CMTM8: variants seen among roughly 807,000 people sequenced by gnomAD.
CMTM8 encodes the protein CKLF-like MARVEL transmembrane domain-containing protein 8.
Under a neutral mutation model 18.6 loss-of-function variants are expected in CMTM8, and 12 were observed. That is an observed-to-expected ratio of 0.65 (90% CI 0.41 to 1.05). CMTM8 has a LOEUF of 1.05. Among genes scored for constraint, CMTM8 ranks in the 50% least tolerant of loss-of-function variants. CMTM8 has a pLI of 0.00. For synonymous variants in CMTM8, 87 were observed against 90.6 expected (o/e 0.96, Z 0.23); for missense variants, 217 against 227.2 (o/e 0.95, Z 0.29).
At chr3:32,365,955 C>T (rs1187536950) in intron 2 of CMTM8, among the ~76,000 whole-genome samples, 3 of 152,174 alleles carry the variant, frequency 2.0e-5, no homozygotes, top group Admixed American at 2.0e-4. Flanking sequence ...TCCTTCATTT[C>T]TGTAGCCCAG....
intron 1 of CMTM8, among the ~76,000 whole-genome samples, chr3:32,294,154 C>T (rs1001206770): frequency 1.2e-4 from 19 of 152,194 alleles, no homozygotes; most frequent in Admixed American, 2.0e-4. Flanking sequence ...AGAAGTGCCT[C>T]ATGTTTCTTA....
chr3:32,265,970 C>T (rs1416580692), intron 1 of CMTM8, among the ~76,000 whole-genome samples: 6 of 151,344 alleles, frequency 4.0e-5, no homozygotes, highest in South Asian at 2.1e-4. Context: ...TAATAGCTTA[C>T]CAACCAAAAA....
At chr3:32,365,125 G>A (rs544515234) in intron 2 of CMTM8, among the ~76,000 whole-genome samples, 1 of 152,164 alleles carries the variant, frequency 6.6e-6, no homozygotes, top group South Asian at 2.1e-4. Flanking sequence ...GGCTGCCTAA[G>A]CCTTAGATAG....
In CMTM8 at chr3:32,239,012, A is replaced by G. The variant is rs746353063; in HGVS notation, c.40A>G (p.Thr14Ala). The G allele has an allele frequency of 1.3e-6, 2 of 1,562,038 alleles. No individual in the cohort carries two copies. Among genetic ancestry groups the G allele is most frequent in the Admixed American group, 1.9e-5 (1 of 52,536 alleles). The change falls in exon 1 of 4, where the codon ACC becomes GCC. Residue 14 changes from threonine (T) to alanine (A), a missense_variant. Transcript: ENST00000307526. ...PQRARSHTVT[T>A]TASSFAENFS... Reference sequence around the variant, plus strand: ...GCGCGCCCGCTCGCACACAGTCACCACCACCGCCAGCTCCTTCGCAGAGAA... The same window carrying G: ...GCGCGCCCGCTCGCACACAGTCACCGCCACCGCCAGCTCCTTCGCAGAGAA...
chr3:32,319,829 G>GGT (rs1696007748), intron 1 of CMTM8, among the ~76,000 whole-genome samples: 1 of 152,242 alleles, frequency 6.6e-6, no homozygotes, highest in Non-Finnish European at 1.5e-5. Flanking sequence ...AGCCCTTGAG[G>GGT]AAACAACCCT....
chr3:32,321,468 C>T (rs977758949), intron 1 of CMTM8, among the ~76,000 whole-genome samples: 4 of 152,208 alleles, frequency 2.6e-5, no homozygotes, highest in East Asian at 1.9e-4. Context: ...TGTGCCCTCC[C>T]GAGTGGGAGC....
chr3:32,311,912 T>C (rs1695826871), intron 1 of CMTM8, among the ~76,000 whole-genome samples: 1 of 152,146 alleles, frequency 6.6e-6, no homozygotes, highest in South Asian at 2.1e-4. Context: ...GATAAGTTGA[T>C]GACTGCAGCC....
At chr3:32,322,191 A>C (rs558717743) in intron 1 of CMTM8, among the ~76,000 whole-genome samples, 122 of 152,200 alleles carry the variant, frequency 8.0e-4, no homozygotes, top group Non-Finnish European at 1.6e-3. Flanking sequence ...CTAGGGGTTC[A>C]AGAACCCAAC....
At position 32,293,077 on chromosome 3, in the gene CMTM8, GTA is replaced by G. The variant is rs61467491; in HGVS notation, c.147+53978_147+53979del. Reference sequence around the variant, plus strand: ...ATATGATGTGTGTATATATGTGTGTGTATATATATATATATATATATTTAACT... The same window carrying G: ...ATATGATGTGTGTATATATGTGTGTGTATATATATATATATATATTTAACT... On this transcript the variant is annotated intron_variant, in intron 1 of 3. Coordinates refer to ENST00000307526, the MANE Select transcript of CMTM8 (RefSeq NM_178868.5). 3.6e-3 allele frequency among the ~76,000 whole-genome samples: 531 copies of G among 145,634 alleles called. 2 individuals are homozygous for G. Among genetic ancestry groups the G allele is most frequent in the African/African-American group, 0.011 (435 of 39,808 alleles).
chr3:32,367,005 C>A (rs1033940523), intron 2 of CMTM8, among the ~76,000 whole-genome samples: 16 of 152,060 alleles, frequency 1.1e-4, no homozygotes, highest in Non-Finnish European at 2.9e-5. Flanking sequence ...GCTTTTTTTT[C>A]TCTGAGAAGA....
At chr3:32,273,031 C>T (rs1197854944) in intron 1 of CMTM8, among the ~76,000 whole-genome samples, 1 of 151,732 alleles carries the variant, frequency 6.6e-6, no homozygotes, top group Non-Finnish European at 1.5e-5. Context: ...GAAATACAAT[C>T]CAAAATCACA....
chr3:32,333,753 G>A (rs1207227037), intron 1 of CMTM8, among the ~76,000 whole-genome samples: 1 of 151,970 alleles, frequency 6.6e-6, no homozygotes, highest in Non-Finnish European at 1.5e-5. Flanking sequence ...GGTTTCAGGT[G>A]GTGAAAATAC....
At chr3:32,270,095 T>G (rs1458111227) in intron 1 of CMTM8, among the ~76,000 whole-genome samples, 1 of 151,526 alleles carries the variant, frequency 6.6e-6, no homozygotes, top group Non-Finnish European at 1.5e-5. Context: ...TAAAAAAAAT[T>G]TTTTTGTGTG....
rs116578015 is a variant in CMTM8 at position 32,355,348 on chromosome 3, C to A, written c.148-2025C>A. Among the ~76,000 whole-genome samples the A allele has an allele frequency of 4.2e-3, 643 of 152,294 alleles. 1 individual carries two copies. Among genetic ancestry groups the A allele is most frequent in the South Asian group, 0.017 (83 of 4,822 alleles). On this transcript the variant is annotated intron_variant, in intron 1 of 3. Coordinates refer to ENST00000307526, the MANE Select transcript of CMTM8 (RefSeq NM_178868.5). Reference sequence around the variant, plus strand: ...TTCCATTGTTCCAACAGAACAAGTCCAACCCTGATCTACTCCAGAAATCTT... The same window carrying A: ...TTCCATTGTTCCAACAGAACAAGTCAAACCCTGATCTACTCCAGAAATCTT...
intron 1 of CMTM8, among the ~76,000 whole-genome samples, chr3:32,244,765 A>G (rs942309173): frequency 6.6e-6 from 1 of 152,202 alleles, no homozygotes; most frequent in Non-Finnish European, 1.5e-5. Context: ...GTGCTGTAGC[A>G]ATCTTTTTCT....
intron 1 of CMTM8, among the ~76,000 whole-genome samples, chr3:32,353,674 A>G (rs887319004): frequency 2.0e-5 from 3 of 152,224 alleles, no homozygotes; most frequent in East Asian, 1.9e-4. Flanking sequence ...AAATGCAAGG[A>G]AAGAGGCCAG....
intron 1 of CMTM8, among the ~76,000 whole-genome samples, chr3:32,336,516 T>G (rs1696388975): frequency 6.6e-6 from 1 of 152,256 alleles, no homozygotes; most frequent in Admixed American, 6.5e-5. Context: ...GAGCCTCAGT[T>G]TCCCTCTGTA....
chr3:32,350,568 T>A (rs560170049), intron 1 of CMTM8, among the ~76,000 whole-genome samples: 2 of 150,600 alleles, frequency 1.3e-5, no homozygotes, highest in African/African-American at 2.4e-5. Context: ...TCACCCAGGC[T>A]GGAGTGCAGT....
intron 1 of CMTM8, among the ~76,000 whole-genome samples, chr3:32,321,742 C>T (rs796914161): frequency 5.9e-5 from 9 of 152,242 alleles, no homozygotes; most frequent in African/African-American, 1.4e-4. Flanking sequence ...GGACTACAGG[C>T]GCATGCCACC....
Sources: allele counts gnomAD v4.1 joint callset (sites outside exome capture counted in the v4.1 genomes callset), GRCh38; gene constraint gnomAD v4.1.1; transcripts MANE v1.5; gene names NCBI Gene and HGNC (gene_info 2026-07-23, HGNC 2026-07-21).